FTCDNL1: variants seen among roughly 807,000 people sequenced by gnomAD.
FTCDNL1 encodes formiminotransferase cyclodeaminase N-terminal like.
FTCDNL1 carries 11 observed loss-of-function variants against 5.9 expected under a neutral mutation model. The observed-to-expected ratio is 1.87, with a 90% CI of 1.18 to 3.10. The LOEUF (loss-of-function observed/expected upper bound fraction) is 3.10, where lower values mean the gene tolerates loss of function less well. FTCDNL1 is among the 30% of genes most tolerant of loss of function. The pLI is 0.00. For missense variants in FTCDNL1, 115 were observed against 65.5 expected, an observed-to-expected ratio of 1.76 and a Z score of -2.61; for synonymous variants, 58 against 24.8, an observed-to-expected ratio of 2.34 and a Z score of -3.99.
chr2:199,689,085 T>C, the FTCDNL1 span, among the ~76,000 whole-genome samples: 1 of 152,248 alleles, frequency 6.6e-6, no homozygotes, highest in East Asian at 1.9e-4. Flanking sequence ...TCAACAATTG[T>C]TTCTCAATTG....
chr2:199,730,846 T>C, the FTCDNL1 span, among the ~76,000 whole-genome samples: 1 of 152,226 alleles, frequency 6.6e-6, no homozygotes, highest in Non-Finnish European at 1.5e-5. Context: ...TTACTGGGTA[T>C]ATACCCAAAG....
intron 3 of FTCDNL1, among the ~76,000 whole-genome samples, chr2:199,799,002 G>C (rs1700310342): frequency 6.6e-6 from 1 of 152,170 alleles, no homozygotes; most frequent in Non-Finnish European, 1.5e-5. Context: ...CTTGTGGAAA[G>C]AAGAGAGATA....
chr2:199,849,204 G>C (rs2076811098), intron 1 of FTCDNL1, among the ~76,000 whole-genome samples: 2 of 152,192 alleles, frequency 1.3e-5, no homozygotes, highest in South Asian at 4.1e-4. Context: ...ATACCTGGCA[G>C]GGTCCTCAGC....
chr2:199,769,435 A>G (rs1032771808), intron 3 of FTCDNL1, among the ~76,000 whole-genome samples: 2 of 152,132 alleles, frequency 1.3e-5, no homozygotes, highest in Non-Finnish European at 2.9e-5. Flanking sequence ...CCACCATGTA[A>G]GACATGACTT....
At chr2:199,822,376 C>G (rs1701749356) in intron 3 of FTCDNL1, among the ~76,000 whole-genome samples, 1 of 152,188 alleles carries the variant, frequency 6.6e-6, no homozygotes, top group Non-Finnish European at 1.5e-5. Context: ...TGTACTCCAG[C>G]CTTGGTGACA....
At chr2:199,722,818 C>T in the FTCDNL1 span, among the ~76,000 whole-genome samples, 1 of 152,082 alleles carries the variant, frequency 6.6e-6, no homozygotes, top group African/African-American at 2.4e-5. Flanking sequence ...TTTTGTAGTT[C>T]TCCTTGAAGA....
the FTCDNL1 span, among the ~76,000 whole-genome samples, chr2:199,690,267 T>G: frequency 7.5e-4 from 114 of 152,340 alleles, no homozygotes; most frequent in African/African-American, 2.5e-3. Context: ...GGAAAGTGTA[T>G]TATTAAAATA....
the FTCDNL1 span, among the ~76,000 whole-genome samples, chr2:199,735,696 A>G: frequency 6.6e-6 from 1 of 152,172 alleles, no homozygotes; most frequent in African/African-American, 2.4e-5. Flanking sequence ...GTGAGCAAGC[A>G]CACGGTATGC....
At chr2:199,748,321 C>A in the FTCDNL1 span, among the ~76,000 whole-genome samples, 1 of 152,092 alleles carries the variant, frequency 6.6e-6, no homozygotes, top group Non-Finnish European at 1.5e-5. Context: ...TTAAACAAAG[C>A]TACTGATTTT....
chr2:199,820,370 G>C (rs1559219387), intron 3 of FTCDNL1, among the ~76,000 whole-genome samples: 1 of 152,146 alleles, frequency 6.6e-6, no homozygotes, highest in Non-Finnish European at 1.5e-5. Flanking sequence ...TTGGGAGGCT[G>C]ACACAGGAGG....
the FTCDNL1 span, among the ~76,000 whole-genome samples, chr2:199,693,511 G>A: frequency 6.6e-6 from 1 of 152,188 alleles, no homozygotes. Context: ...AGAAAGTGCT[G>A]TGAGAGACTT....
chr2:199,723,229 A>AT, the FTCDNL1 span, among the ~76,000 whole-genome samples: 1 of 151,918 alleles, frequency 6.6e-6, no homozygotes, highest in African/African-American at 2.4e-5. Context: ...TTGCACATAG[A>AT]TTTTGTATCC....
At chr2:199,664,907 A>G in the FTCDNL1 span, among the ~76,000 whole-genome samples, 3 of 152,224 alleles carry the variant, frequency 2.0e-5, no homozygotes, top group Non-Finnish European at 2.9e-5. Context: ...GACAACCAGT[A>G]GGCTAGGAAT....
At chr2:199,702,297 G>A in the FTCDNL1 span, among the ~76,000 whole-genome samples, 67 of 152,100 alleles carry the variant, frequency 4.4e-4, no homozygotes, top group South Asian at 0.014. Context: ...AAGTTGGAAA[G>A]AAAACAATAA....
the FTCDNL1 span, among the ~76,000 whole-genome samples, chr2:199,687,506 A>C: frequency 6.6e-6 from 1 of 152,234 alleles, no homozygotes; most frequent in Non-Finnish European, 1.5e-5. Flanking sequence ...TGGTCAGCTC[A>C]CAGGTGAGCC....
chr2:199,844,881 A>G (rs760783962), intron 3 of FTCDNL1, among the ~76,000 whole-genome samples: 2 of 152,042 alleles, frequency 1.3e-5, no homozygotes, highest in Non-Finnish European at 2.9e-5. Context: ...CCTTATGAGT[A>G]ATTATATTAA....
At chr2:199,735,699 C>T in the FTCDNL1 span, among the ~76,000 whole-genome samples, 6 of 152,098 alleles carry the variant, frequency 3.9e-5, no homozygotes, top group African/African-American at 1.2e-4. Flanking sequence ...AGCAAGCACA[C>T]GGTATGCAGA....
the FTCDNL1 span, among the ~76,000 whole-genome samples, chr2:199,675,996 C>T: frequency 1.3e-5 from 2 of 152,194 alleles, no homozygotes; most frequent in Non-Finnish European, 2.9e-5. Context: ...AAGTGATCCT[C>T]CTGCCTTAGC....
the FTCDNL1 span, among the ~76,000 whole-genome samples, chr2:199,676,683 T>C: frequency 6.6e-6 from 1 of 152,128 alleles, no homozygotes; most frequent in East Asian, 1.9e-4. Context: ...CTTAAGCAAA[T>C]GCTGATCTAA....
Sources: gnomAD v4.1 joint callset for allele counts (sites outside exome capture counted in the v4.1 genomes callset) on GRCh38, gnomAD v4.1.1 for gene constraint, MANE v1.5 for transcripts, NCBI Gene and HGNC (gene_info 2026-07-23, HGNC 2026-07-21) for gene names.